Variants in PRELID2 observed in about 807,000 individuals in gnomAD.
The protein encoded by PRELID2 is PRELI domain containing 2.
PRELID2 carries 25 observed loss-of-function variants against 28.4 expected under a neutral mutation model. That is an observed-to-expected ratio of 0.88 (90% CI 0.64 to 1.23). PRELID2 has a LOEUF of 1.23. Ranked by LOEUF, PRELID2 falls within the 50% of genes most tolerant of loss-of-function variation. The pLI is 0.00. For synonymous variants in PRELID2, 76 were observed against 71.6 expected (o/e 1.06, Z -0.31); for missense variants, 201 against 214.4 (o/e 0.94, Z 0.39).
the PRELID2 span, among the ~76,000 whole-genome samples, chr5:145,337,520 C>G: frequency 1.3e-5 from 2 of 151,638 alleles, no homozygotes; most frequent in Non-Finnish European, 2.9e-5. Flanking sequence ...ATAACTTGTG[C>G]TTCTGACCTA....
the PRELID2 span, chr5:145,381,580 T>A: frequency 6.6e-6 from 1 of 152,328 alleles, no homozygotes; most frequent in African/African-American, 2.4e-5. Flanking sequence ...TTTTAGCTGC[T>A]ACTCACCGTA....
At chr5:145,515,306 A>T (rs1752505749) in intron 1 of PRELID2, among the ~76,000 whole-genome samples, 1 of 152,234 alleles carries the variant, frequency 6.6e-6, no homozygotes, top group Non-Finnish European at 1.5e-5. Flanking sequence ...ATAAAAAATG[A>T]TATAGGGGAT....
the PRELID2 span, among the ~76,000 whole-genome samples, chr5:145,315,722 A>AGTAT: frequency 6.6e-6 from 1 of 152,168 alleles, no homozygotes; most frequent in African/African-American, 2.4e-5. Context: ...AAAATAGTAA[A>AGTAT]GTATGGCACA....
At chr5:145,245,603 G>T in the PRELID2 span, among the ~76,000 whole-genome samples, 6 of 152,164 alleles carry the variant, frequency 3.9e-5, no homozygotes, top group Non-Finnish European at 7.4e-5. Flanking sequence ...ACAAGGTCAG[G>T]GGTCCTGATT....
chr5:145,296,723 G>C, the PRELID2 span, among the ~76,000 whole-genome samples: 1 of 152,014 alleles, frequency 6.6e-6, no homozygotes, highest in African/African-American at 2.4e-5. Context: ...GGGATGGCTG[G>C]GTCAAATGGT....
intron 4 of PRELID2, among the ~76,000 whole-genome samples, chr5:145,808,898 GA>G (rs67381027): frequency 0.51 from 75,951 of 148,766 alleles, 23,042 homozygotes; most frequent in Non-Finnish European, 0.69. Flanking sequence ...AAAAGGAAAA[GA>G]AAAAAAAAAG....
At chr5:145,435,618 A>G in the PRELID2 span, among the ~76,000 whole-genome samples, 4 of 152,282 alleles carry the variant, frequency 2.6e-5, no homozygotes, top group East Asian at 7.7e-4. Context: ...TCAACAGTCA[A>G]TGACTTCCTA....
the PRELID2 span, among the ~76,000 whole-genome samples, chr5:145,279,897 A>G: frequency 6.6e-6 from 1 of 151,890 alleles, no homozygotes; most frequent in Non-Finnish European, 1.5e-5. Context: ...TGAAAACTTC[A>G]TCATGGATTT....
chr5:145,335,912 C>G, the PRELID2 span, among the ~76,000 whole-genome samples: 3 of 152,316 alleles, frequency 2.0e-5, no homozygotes, highest in East Asian at 1.9e-4. Flanking sequence ...GTTCCCATTT[C>G]TCCACATCCT....
At chr5:145,405,713 T>G in the PRELID2 span, among the ~76,000 whole-genome samples, 3 of 147,864 alleles carry the variant, frequency 2.0e-5, no homozygotes, top group Admixed American at 6.7e-5. Flanking sequence ...TTTTTTTTTT[T>G]TTTTTTTTTT....
At chr5:145,231,323 G>A in the PRELID2 span, among the ~76,000 whole-genome samples, 1 of 151,930 alleles carries the variant, frequency 6.6e-6, no homozygotes, top group Non-Finnish European at 1.5e-5. Flanking sequence ...CTTTAGTGGT[G>A]GTTTGTGAGA....
chr5:145,663,587 GTA>G (rs1754534242), intron 1 of PRELID2, among the ~76,000 whole-genome samples: 1 of 152,088 alleles, frequency 6.6e-6, no homozygotes, highest in South Asian at 2.1e-4. Context: ...CTTTTAAAAA[GTA>G]TTTATTTATA....
chr5:145,392,558 T>C, the PRELID2 span, among the ~76,000 whole-genome samples: 257 of 152,118 alleles, frequency 1.7e-3, 6 homozygotes, highest in East Asian at 0.04. Context: ...TTTAAGTAAA[T>C]AATATAACAG....
At position 145,771,727 on chromosome 5, in the gene PRELID2, T is replaced by C. The variant is rs1758118703; in HGVS notation, c.475-6727A>G. On this transcript the variant is annotated intron_variant, in intron 5 of 6. Transcript: ENST00000683046. ...AAAATTAGCTGGGTGTGGTGACGCATGCCTGTAATCCCTGCTACTTGGGAG... is the reference window on the plus strand; with the variant it reads ...AAAATTAGCTGGGTGTGGTGACGCACGCCTGTAATCCCTGCTACTTGGGAG... Among the ~76,000 whole-genome samples the C allele has an allele frequency of 2.0e-5, 3 of 151,978 alleles. No homozygotes were observed. In the South Asian group the frequency reaches 6.2e-4, roughly 31 times the overall value.
chr5:145,334,517 C>A, the PRELID2 span, among the ~76,000 whole-genome samples: 5 of 152,172 alleles, frequency 3.3e-5, no homozygotes, highest in African/African-American at 9.6e-5. Context: ...CTTACAATAT[C>A]ATTACAGGAT....
chr5:145,640,178 T>C (rs998416546), intron 1 of PRELID2, among the ~76,000 whole-genome samples: 3 of 152,036 alleles, frequency 2.0e-5, no homozygotes, highest in Non-Finnish European at 4.4e-5. Context: ...CCGTCTGTAC[T>C]GAAAAAATAC....
chr5:145,654,794 A>C (rs1321325040), intron 1 of PRELID2, among the ~76,000 whole-genome samples: 1 of 152,188 alleles, frequency 6.6e-6, no homozygotes, highest in African/African-American at 2.4e-5. Context: ...CCAATATCAT[A>C]CTGAATGGGC....
chr5:145,488,053 G>A (rs1333730566), intron 1 of PRELID2, among the ~76,000 whole-genome samples: 2 of 148,862 alleles, frequency 1.3e-5, no homozygotes, highest in African/African-American at 5.0e-5. Flanking sequence ...GAACCCGGGA[G>A]GGAGAGGTTG....
At chr5:145,335,970 T>G in the PRELID2 span, among the ~76,000 whole-genome samples, 1 of 152,212 alleles carries the variant, frequency 6.6e-6, no homozygotes, top group African/African-American at 2.4e-5. Context: ...CCGTTCTAAC[T>G]GGTGTGAGAT....
Sources: allele counts gnomAD v4.1 joint callset (sites outside exome capture counted in the v4.1 genomes callset), GRCh38; gene constraint gnomAD v4.1.1; transcripts MANE v1.5; gene names NCBI Gene and HGNC (gene_info 2026-07-23, HGNC 2026-07-21).